Variants in PLPP4 observed in about 807,000 individuals in gnomAD.
The protein encoded by PLPP4 is phospholipid phosphatase 4, also known as diacylglycerol pyrophosphate like 2.
Under a neutral mutation model 32.2 loss-of-function variants are expected in PLPP4, and 20 were observed. That is an observed-to-expected ratio of 0.62 (90% CI 0.44 to 0.90). The LOEUF is 0.90. Among genes scored for constraint, PLPP4 ranks in the 40% least tolerant of loss-of-function variants. The pLI is 0.00. For missense variants in PLPP4, 257 were observed against 353.1 expected, an observed-to-expected ratio of 0.73 and a Z score of 2.18; for synonymous variants, 127 against 133.0, an observed-to-expected ratio of 0.95 and a Z score of 0.31.
chr10:120,520,424 TG>T (rs1311225215), intron 4 of PLPP4, among the ~76,000 whole-genome samples: 1 of 151,868 alleles, frequency 6.6e-6, no homozygotes, highest in Non-Finnish European at 1.5e-5. Flanking sequence ...AGCGGTAGAG[TG>T]GTAGATTAAT....
intron 4 of PLPP4, 114 bp from the exon 5 acceptor site, chr10:120,520,857 C>T: frequency 1.5e-6 from 2 of 1,323,094 alleles, no homozygotes. Context: ...CCAGTGTTGA[C>T]AGCCAAGGGG....
At chr10:120,483,722 T>TTC (rs1191283988) in intron 1 of PLPP4, among the ~76,000 whole-genome samples, 2 of 152,082 alleles carry the variant, frequency 1.3e-5, no homozygotes, top group Non-Finnish European at 2.9e-5. Context: ...ATGGGGTGAG[T>TTC]TCTCACTCTA....
intron 1 of PLPP4, among the ~76,000 whole-genome samples, chr10:120,479,085 G>A (rs1000664224): frequency 2.0e-5 from 3 of 152,284 alleles, no homozygotes; most frequent in Admixed American, 2.0e-4. Flanking sequence ...AATTAGCCGG[G>A]CATGGTGGTG....
chr10:120,491,854 C>G (rs2133839564), intron 1 of PLPP4, among the ~76,000 whole-genome samples: 1 of 152,168 alleles, frequency 6.6e-6, no homozygotes, highest in East Asian at 1.9e-4. Flanking sequence ...AACCCAACAA[C>G]AAACATACAA....
Position 120,591,639 on chromosome 10 carries a change from T to C in PLPP4, c.*2137T>C, listed in dbSNP as rs1221505669. On this transcript the variant is annotated 3_prime_UTR_variant, in exon 7 of 7. Coordinates refer to ENST00000398250, the MANE Select transcript of PLPP4 (RefSeq NM_001030059.3). ...GTTAAAAAAAAAAACCCCATCCTGATGTGGCCCACATTCTTATTTGATTCT... is the reference window on the plus strand; with the variant it reads ...GTTAAAAAAAAAAACCCCATCCTGACGTGGCCCACATTCTTATTTGATTCT... 2.0e-5 allele frequency among the ~76,000 whole-genome samples: 3 copies of C among 151,418 alleles called. No individual in the cohort carries two copies. The highest frequency in any genetic ancestry group is 4.4e-5 in the Non-Finnish European group (3 of 67,892).
chr10:120,577,880 C>T (rs1197004212), intron 6 of PLPP4, among the ~76,000 whole-genome samples: 1 of 152,196 alleles, frequency 6.6e-6, no homozygotes, highest in Non-Finnish European at 1.5e-5. Flanking sequence ...ATGAGGCTAT[C>T]TGCCGCTGTC....
intron 1 of PLPP4, among the ~76,000 whole-genome samples, chr10:120,464,858 C>G (rs1164486070): frequency 6.6e-6 from 1 of 152,112 alleles, no homozygotes; most frequent in Non-Finnish European, 1.5e-5. Flanking sequence ...CAATGGGGCC[C>G]GAGTGTTTCT....
chr10:120,518,956 C>T (rs1846044011), intron 4 of PLPP4, 60 bp downstream of exon 4: 2 of 1,418,880 alleles, frequency 1.4e-6, no homozygotes, highest in Non-Finnish European at 2.0e-6. Context: ...ATATAGGAAG[C>T]TGGGCCAGAG....
chr10:120,488,337 T>C (rs1236598247), intron 1 of PLPP4, among the ~76,000 whole-genome samples: 2 of 152,228 alleles, frequency 1.3e-5, no homozygotes, highest in Admixed American at 1.3e-4. Context: ...GAATGATGAC[T>C]GAAAGCTAAC....
chr10:120,503,088 CCCATCCT>C (rs1845338991), intron 1 of PLPP4, among the ~76,000 whole-genome samples: 1 of 152,220 alleles, frequency 6.6e-6, no homozygotes, highest in African/African-American at 2.4e-5. Flanking sequence ...TCCTCTGAGT[CCCATCCT>C]CACCATGGCC....
At chr10:120,545,617 A>G (rs1486461077) in intron 5 of PLPP4, among the ~76,000 whole-genome samples, 1 of 152,200 alleles carries the variant, frequency 6.6e-6, no homozygotes, top group East Asian at 1.9e-4. Flanking sequence ...ACCCATGCTC[A>G]GCAGAAGTGG....
chr10:120,516,453 C>T (rs1054711878), intron 3 of PLPP4, among the ~76,000 whole-genome samples: 3 of 152,182 alleles, frequency 2.0e-5, no homozygotes, highest in African/African-American at 7.2e-5. Flanking sequence ...GGCTGCAGAA[C>T]AGTCAGGTCT....
intron 5 of PLPP4, among the ~76,000 whole-genome samples, chr10:120,538,050 C>CTG (rs1564825186): frequency 5.0e-5 from 1 of 19,804 alleles, no homozygotes; most frequent in Non-Finnish European, 9.3e-5. Flanking sequence ...CTCTCTCTCT[C>CTG]TCTGTGTGTG....
intron 1 of PLPP4, among the ~76,000 whole-genome samples, chr10:120,481,437 T>C (rs1844201717): frequency 6.6e-6 from 1 of 152,224 alleles, no homozygotes; most frequent in African/African-American, 2.4e-5. Context: ...ATCTATGTAC[T>C]GCTTGCTTGG....
chr10:120,518,995 T>A (rs906534328), intron 4 of PLPP4, 99 bp downstream of exon 4: 5 of 790,244 alleles, frequency 6.3e-6, no homozygotes, highest in Non-Finnish European at 1.0e-5. Flanking sequence ...TTTGAGCTCA[T>A]CTAGTTCTCC....
intron 1 of PLPP4, among the ~76,000 whole-genome samples, chr10:120,487,435 A>G (rs1258550623): frequency 6.6e-6 from 1 of 152,250 alleles, no homozygotes; most frequent in Non-Finnish European, 1.5e-5. Context: ...GAACTGATTC[A>G]TTTTAAGACA....
At chr10:120,476,658 G>T (rs1257739541) in intron 1 of PLPP4, among the ~76,000 whole-genome samples, 1 of 152,198 alleles carries the variant, frequency 6.6e-6, no homozygotes, top group Non-Finnish European at 1.5e-5. Context: ...TAGTGGTGAT[G>T]ATCCGAGCAT....
At chr10:120,497,028 G>C (rs563771039) in intron 1 of PLPP4, among the ~76,000 whole-genome samples, 7 of 152,012 alleles carry the variant, frequency 4.6e-5, no homozygotes, top group Non-Finnish European at 7.4e-5. Flanking sequence ...ATCCTCCTAG[G>C]GGGTAGGACC....
intron 1 of PLPP4, among the ~76,000 whole-genome samples, chr10:120,479,368 G>A (rs1019333631): frequency 5.3e-5 from 8 of 152,188 alleles, no homozygotes; most frequent in African/African-American, 1.7e-4. Flanking sequence ...TGTCCTCATG[G>A]GACCTGCTCA....
Sources: gnomAD v4.1 joint callset for allele counts (sites outside exome capture counted in the v4.1 genomes callset) on GRCh38, gnomAD v4.1.1 for gene constraint, MANE v1.5 for transcripts, NCBI Gene and HGNC (gene_info 2026-07-23, HGNC 2026-07-21) for gene names.